Variants in LRRC8B observed in about 807,000 individuals in gnomAD.
The protein encoded by LRRC8B is volume-regulated anion channel subunit LRRC8B.
In LRRC8B, 23 loss-of-function variants were observed where a neutral mutation model predicts 58.8. That is an observed-to-expected ratio of 0.39 (90% CI 0.28 to 0.55). LRRC8B has a LOEUF of 0.55. Ranked by LOEUF, LRRC8B falls within the 20% of genes least tolerant of loss-of-function variation. The probability of loss-of-function intolerance (pLI) is 0.62; values close to 1 mark genes in which losing one functional copy is unlikely to be tolerated. For synonymous variants in LRRC8B, 359 were observed against 374.1 expected, an observed-to-expected ratio of 0.96 and a Z score of 0.47; for missense variants, 694 against 936.0, an observed-to-expected ratio of 0.74 and a Z score of 3.37.
At chr1:89,550,840 T>C (rs1016149112) in intron 1 of LRRC8B, among the ~76,000 whole-genome samples, 1 of 152,186 alleles carries the variant, frequency 6.6e-6, no homozygotes, top group Non-Finnish European at 1.5e-5. Flanking sequence ...CTGCAGTAGG[T>C]TCCTGCCTGG....
chr1:89,551,956 C>T (rs568163580), intron 1 of LRRC8B, among the ~76,000 whole-genome samples: 6 of 152,100 alleles, frequency 3.9e-5, no homozygotes, highest in Admixed American at 6.5e-5. Flanking sequence ...ATGCATGTAC[C>T]GTGCTAATAG....
chr1:89,575,496 A>G (rs1653773240), intron 3 of LRRC8B, among the ~76,000 whole-genome samples: 1 of 152,148 alleles, frequency 6.6e-6, no homozygotes, highest in African/African-American at 2.4e-5. Context: ...GTGCCAGCCA[A>G]CACTATGAAG....
intron 1 of LRRC8B, among the ~76,000 whole-genome samples, chr1:89,554,024 T>C (rs1652004724): frequency 6.6e-6 from 1 of 152,192 alleles, no homozygotes; most frequent in African/African-American, 2.4e-5. Context: ...AAAAGTGACA[T>C]ATTTACCCCC....
intron 1 of LRRC8B, among the ~76,000 whole-genome samples, chr1:89,535,206 C>T (rs1650441830): frequency 6.6e-6 from 1 of 152,076 alleles, no homozygotes; most frequent in Non-Finnish European, 1.5e-5. Flanking sequence ...GTCAATTACT[C>T]CCAATAAGAC....
At chr1:89,555,221 A>T (rs1285196001) in intron 1 of LRRC8B, among the ~76,000 whole-genome samples, 2 of 152,134 alleles carry the variant, frequency 1.3e-5, no homozygotes, top group Non-Finnish European at 2.9e-5. Context: ...ATTTTAGAAG[A>T]ACCTTACTCT....
rs1434028867 is a variant in LRRC8B, at chr1:89,584,809, C to G, written c.2139+20C>G. On this transcript the variant is annotated intron_variant, in intron 5 of 5. Transcript: ENST00000330947. ...AACAATGTAAGTAAATCCATTCTTT[C>G]TTTTATTCAGTATCTGCCGTACTTA... 12 of 1,509,922 alleles carry G rather than the reference C, an allele frequency of 7.9e-6. No homozygotes were observed. Among genetic ancestry groups the G allele is most frequent in the Non-Finnish European group, 1.1e-5 (12 of 1,105,602 alleles). The allele number at this position is 1,509,922 out of a possible 1,614,324, so 93.5% of individuals were successfully genotyped here. A position where few individuals can be genotyped will look rare whatever the true frequency, so the allele number is the denominator to read the frequency against.
At chr1:89,536,810 G>T (rs941983548) in intron 1 of LRRC8B, among the ~76,000 whole-genome samples, 1 of 152,144 alleles carries the variant, frequency 6.6e-6, no homozygotes, top group Non-Finnish European at 1.5e-5. Flanking sequence ...GTTTATTTGA[G>T]TAAGCTGATT....
intron 5 of LRRC8B, among the ~76,000 whole-genome samples, chr1:89,591,827 C>T (rs974217938): frequency 2.0e-5 from 3 of 152,098 alleles, no homozygotes; most frequent in African/African-American, 7.2e-5. Flanking sequence ...AAGGAACCTA[C>T]ATTATTTCAT....
chr1:89,583,982 G>T lies in LRRC8B; in HGVS notation c.1332G>T (p.Val444=). Residue 444 remains valine (V), a synonymous_variant, in exon 5 of 6, where the codon GTG becomes GTT. Transcript: ENST00000330947. The surrounding 1 kb of genome is among the most constrained non-coding windows in gnomAD (Gnocchi z 5.2). The stretch of plus-strand genomic sequence containing the variant: ...TCTTTGAGTTAACTGAAATGGAAGT[G>T]CTAAGCCTGGAGCTTATCCCAGAGG... ...DNVFELTEME[V]LSLELIPEVK... 1 of 1,614,196 alleles carries T rather than the reference G, an allele frequency of 6.2e-7. No homozygotes were observed. The highest frequency in any genetic ancestry group is 8.5e-7 in the Non-Finnish European group (1 of 1,180,034).
intron 1 of LRRC8B, among the ~76,000 whole-genome samples, chr1:89,526,329 C>T (rs1296263264): frequency 6.6e-6 from 1 of 152,216 alleles, no homozygotes; most frequent in African/African-American, 2.4e-5. Context: ...ATTCTCCTGC[C>T]TCAGCCTCCC....
At chr1:89,586,665 A>C (rs530574376) in intron 5 of LRRC8B, among the ~76,000 whole-genome samples, 9 of 152,350 alleles carry the variant, frequency 5.9e-5, no homozygotes, top group African/African-American at 1.7e-4. Context: ...AATAAGAAAG[A>C]ATACTTTGTA....
At chr1:89,526,172 G>GT (rs1303261464) in intron 1 of LRRC8B, among the ~76,000 whole-genome samples, 2 of 152,144 alleles carry the variant, frequency 1.3e-5, no homozygotes, top group African/African-American at 4.8e-5. Context: ...CCCTCTATGT[G>GT]TACAGGCTAC....
chr1:89,534,984 G>C (rs530097049), intron 1 of LRRC8B, among the ~76,000 whole-genome samples: 1 of 151,948 alleles, frequency 6.6e-6, no homozygotes, highest in Non-Finnish European at 1.5e-5. Flanking sequence ...TTCTGCTTGG[G>C]GCCTGGAGAT....
intron 1 of LRRC8B, among the ~76,000 whole-genome samples, chr1:89,525,685 T>C (rs1054491994): frequency 2.0e-5 from 3 of 152,212 alleles, no homozygotes; most frequent in African/African-American, 7.2e-5. Flanking sequence ...GGAGGCTCAG[T>C]ATTGGCTCAT....
intron 1 of LRRC8B, among the ~76,000 whole-genome samples, chr1:89,528,514 C>A (rs1358004981): frequency 6.6e-6 from 1 of 152,210 alleles, no homozygotes; most frequent in Non-Finnish European, 1.5e-5. Flanking sequence ...CATAGACTGA[C>A]AGGCCTGATT....
At position 89,596,034 on chromosome 1, in the gene LRRC8B, A is replaced by G. The variant is rs1409835708; in HGVS notation, c.*2991A>G. The G allele has an allele frequency of 6.6e-6, 1 of 152,036 alleles. No individual in the cohort carries two copies. The highest frequency in any genetic ancestry group is 1.5e-5 in the Non-Finnish European group (1 of 67,932). The allele number at this position is 152,036 out of a possible 1,614,324, so 9.4% of individuals were successfully genotyped here. The stretch of plus-strand genomic sequence containing the variant: ...ATACTTCATATATGCAAATTATAGC[A>G]TTAGTTTTTGATATATCTAGTGGTT... On this transcript the variant is annotated 3_prime_UTR_variant, in exon 6 of 6. Coordinates refer to ENST00000330947, the MANE Select transcript of LRRC8B (RefSeq NM_001369817.2).
intron 5 of LRRC8B, among the ~76,000 whole-genome samples, chr1:89,586,918 C>G (rs994966416): frequency 6.6e-6 from 1 of 152,110 alleles, no homozygotes; most frequent in African/African-American, 2.4e-5. Context: ...GATGACAACT[C>G]TGATGGAATA....
chr1:89,581,952 G>C (rs1474497019), intron 4 of LRRC8B, among the ~76,000 whole-genome samples: 2 of 152,182 alleles, frequency 1.3e-5, no homozygotes, highest in Admixed American at 6.5e-5. Context: ...CTAAGCCTAA[G>C]GGGTAATTTC....
rs774816205 is a variant in LRRC8B at position 89,582,845 on chromosome 1, C to A, written c.195C>A (p.His65Gln). 9 of 1,614,224 alleles carry A rather than the reference C, an allele frequency of 5.6e-6. No homozygotes were observed. In the South Asian group the frequency reaches 9.9e-5, roughly 18 times the overall value. The change falls in exon 5 of 6, where the codon CAC becomes CAA. Residue 65 changes from histidine to glutamine, a missense_variant. Physicochemically the swap from His to Gln is conservative, Grantham distance 24. This residue lies in a region of LRRC8B where 316 missense variants were observed against 403.8 expected (regional missense o/e 0.78). Coordinates refer to ENST00000330947, the MANE Select transcript of LRRC8B (RefSeq NM_001369817.2). ...CLPCKVEFDNHCAVPWDILKA... is the reference protein window; with the variant it reads ...CLPCKVEFDNQCAVPWDILKA... Reference sequence around the variant, plus strand: ...CATGCAAAGTGGAATTTGACAATCACTGTGCCGTGCCTTGGGACATCCTGA... The same window carrying A: ...CATGCAAAGTGGAATTTGACAATCAATGTGCCGTGCCTTGGGACATCCTGA...
Sources: gnomAD v4.1 joint callset for allele counts (sites outside exome capture counted in the v4.1 genomes callset) on GRCh38, gnomAD v4.1.1 for gene constraint, gnomAD v4.1.1 regional missense constraint, Gnocchi (gnomAD v3.1) non-coding constraint, MANE v1.5 for transcripts, NCBI Gene and HGNC (gene_info 2026-07-23, HGNC 2026-07-21) for gene names.